PMS2: variants seen among roughly 807,000 people sequenced by gnomAD.
PMS2 encodes the protein PMS1 homolog 2, mismatch repair system component.
In PMS2, 69 loss-of-function variants were observed where a neutral mutation model predicts 90.0. The observed-to-expected ratio is 0.77, with a 90% CI of 0.63 to 0.94. PMS2 has a LOEUF of 0.94. Among genes scored for constraint, PMS2 ranks in the 40% least tolerant of loss-of-function variants. PMS2 has a pLI of 0.00. For missense variants in PMS2, 966 were observed against 1,040.2 expected (o/e 0.93, Z 0.98); for synonymous variants, 332 against 375.1 (o/e 0.89, Z 1.33).
chr7:5,991,737 G>A (rs553175948), intron 9 of PMS2, among the ~76,000 whole-genome samples: 117 of 152,094 alleles, frequency 7.7e-4, no homozygotes, highest in African/African-American at 2.7e-3. Flanking sequence ...TACTTGGGAG[G>A]CTGAGTCAGG....
chr7:5,990,757 T>A (rs559268332), intron 9 of PMS2, among the ~76,000 whole-genome samples: 1 of 152,304 alleles, frequency 6.6e-6, no homozygotes, highest in East Asian at 1.9e-4. Flanking sequence ...TCACACCCTG[T>A]AATCCCAGCA....
At chr7:6,000,461 C>G (rs1394828140) in intron 5 of PMS2, among the ~76,000 whole-genome samples, 2 of 150,806 alleles carry the variant, frequency 1.3e-5, no homozygotes, top group African/African-American at 4.9e-5. Context: ...ATATTACTTG[C>G]TTTCATTATA....
Position 5,995,569 on chromosome 7 carries a change from A to C in PMS2, c.868T>G (p.Phe290Val), listed in dbSNP as rs587782833. The C allele has an allele frequency of 1.2e-6, 2 of 1,613,978 alleles. No homozygotes were observed. The highest frequency in any genetic ancestry group is 2.7e-5 in the African/African-American group (2 of 74,936). ...VGRSSTDRQF[F>V]FINRRPCDPA... The stretch of plus-strand genomic sequence containing the variant: ...TCACAAGGCCGCCGGTTGATAAAGA[A>C]AAACTGTCTGTCTGTTGAACTCCTT... The change falls in exon 8 of 15, where the codon TTC becomes GTC. Residue 290 changes from phenylalanine to valine, a missense_variant. Phe to Val is a conservative substitution (Grantham distance 50). This residue lies in a region of PMS2 where 871 missense variants were observed against 802.4 expected (regional missense o/e 1.09). Coordinates refer to ENST00000265849, the MANE Select transcript of PMS2 (RefSeq NM_000535.7).
intron 6 of PMS2, among the ~76,000 whole-genome samples, chr7:5,997,872 G>A (rs747661570): frequency 2.2e-4 from 34 of 152,080 alleles, no homozygotes; most frequent in South Asian, 1.7e-3. Context: ...GGGATTACAT[G>A]TGTGAGCCGT....
chr7:6,005,022 A>G (rs1206969777), intron 2 of PMS2, among the ~76,000 whole-genome samples: 2 of 151,698 alleles, frequency 1.3e-5, no homozygotes, highest in African/African-American at 4.8e-5. Context: ...CTCCTCCTTC[A>G]GCGTCCTGAG....
Position 6,006,025 on chromosome 7 carries a change from T to C in PMS2, c.30A>G (p.Glu10=), listed in dbSNP as rs876660608. Residue 10 remains glutamate (E), a synonymous_variant, in exon 2 of 15, where the codon GAA becomes GAG. Coordinates refer to ENST00000265849, the MANE Select transcript of PMS2 (RefSeq NM_000535.7). MERAESSST[E]PAKAIKPIDR... is the part of the protein sequence containing the mutation. ...CAATAGGTTTGATGGCCTTAGCAGGTTCTGTACTAGAGAAATCAGTTACAA... is the reference window on the plus strand; with the variant it reads ...CAATAGGTTTGATGGCCTTAGCAGGCTCTGTACTAGAGAAATCAGTTACAA... 1 of 1,610,706 alleles carries C rather than the reference T, an allele frequency of 6.2e-7. No individual in the cohort carries two copies. Among genetic ancestry groups the C allele is most frequent in the Non-Finnish European group, 8.5e-7 (1 of 1,179,748 alleles).
In PMS2 at chr7:5,972,833, T is replaced by G. The variant is rs1180616; in HGVS notation, c.*566A>C. On this transcript the variant is annotated 3_prime_UTR_variant, in exon 15 of 15. Transcript: ENST00000265849. ...CTTCCAAAGTGGTTTGGTTTTTTTT[T>G]TTTTGTTTTGTTTTGTTTTGTTTTT... is the stretch of plus-strand genomic sequence containing the variant. Among the ~76,000 whole-genome samples the G allele has an allele frequency of 0.021, 1,557 of 73,892 alleles. 361 individuals carry two copies. Among genetic ancestry groups the G allele is most frequent in the African/African-American group, 0.091 (1,292 of 14,268 alleles). The allele number at this position is 73,892 out of a possible 152,430, so 48.5% of individuals were successfully genotyped here. A position where few individuals can be genotyped will look rare whatever the true frequency, so the allele number is the denominator to read the frequency against.
intron 6 of PMS2, among the ~76,000 whole-genome samples, chr7:5,998,184 C>A (rs769559495): frequency 6.6e-6 from 1 of 150,786 alleles, no homozygotes; most frequent in East Asian, 2.0e-4. Context: ...CGGGTTCCAG[C>A]GACTCTCCTG....
At chr7:5,983,953 A>G (rs1214001036) in intron 11 of PMS2, among the ~76,000 whole-genome samples, 2 of 151,800 alleles carry the variant, frequency 1.3e-5, no homozygotes, top group Non-Finnish European at 1.5e-5. Context: ...CACCTGGCCT[A>G]CTTCATTCTT....
At chr7:5,977,819 A>G in intron 13 of PMS2, 62 bp from the exon 14 acceptor site, 1 of 1,571,974 alleles carries the variant, frequency 6.4e-7, no homozygotes, top group Non-Finnish European at 8.7e-7. Flanking sequence ...CTTGAAAGCT[A>G]CTTAGGATGA....
intron 8 of PMS2, among the ~76,000 whole-genome samples, 170 bp from the exon 9 acceptor site, chr7:5,992,227 G>A (rs1385252426): frequency 6.6e-6 from 1 of 151,468 alleles, no homozygotes; most frequent in East Asian, 1.9e-4. Context: ...GAGTGCAGTG[G>A]AGCAATCATG....
intron 12 of PMS2, among the ~76,000 whole-genome samples, chr7:5,982,144 T>A (rs995949544): frequency 7.9e-5 from 12 of 151,806 alleles, no homozygotes; most frequent in Non-Finnish European, 1.5e-4. Context: ...GTCTCCTGAG[T>A]AGCTGGAATT....
At chr7:5,999,335 G>C (rs1158379918) in intron 5 of PMS2, 60 bp from the exon 6 acceptor site, 1 of 1,456,988 alleles carries the variant, frequency 6.9e-7, no homozygotes, top group Non-Finnish European at 9.6e-7. Context: ...GAATTACACA[G>C]CTCAAGTTAC....
intron 10 of PMS2, among the ~76,000 whole-genome samples, chr7:5,988,319 C>T (rs960797167): frequency 2.0e-5 from 3 of 152,084 alleles, no homozygotes; most frequent in Non-Finnish European, 4.4e-5. Context: ...TGGCTCACGC[C>T]TGTAATCCTA....
At chr7:5,988,297 T>C (rs556279569) in intron 10 of PMS2, among the ~76,000 whole-genome samples, 4 of 152,174 alleles carry the variant, frequency 2.6e-5, no homozygotes, top group South Asian at 2.1e-4. Flanking sequence ...AAGTGCCTAT[T>C]GGCCGGCACA....
chr7:5,993,577 C>A (rs1017265727), intron 8 of PMS2, among the ~76,000 whole-genome samples: 1 of 150,946 alleles, frequency 6.6e-6, no homozygotes, highest in Non-Finnish European at 1.5e-5. Flanking sequence ...ATATAGAAAC[C>A]ATGGGCCGGG....
At chr7:5,984,734 G>C (rs1298164174) in intron 11 of PMS2, among the ~76,000 whole-genome samples, 1 of 151,684 alleles carries the variant, frequency 6.6e-6, no homozygotes, top group East Asian at 1.9e-4. Flanking sequence ...GCAGTGAGCT[G>C]AGATCGTGCC....
Position 5,972,843 on chromosome 7 carries a change from G to A in PMS2, c.*556C>T, listed in dbSNP as rs1453935457. Among the ~76,000 whole-genome samples the A allele has an allele frequency of 2.9e-5, 2 of 68,446 alleles. 1 individual carries two copies. The highest frequency in any genetic ancestry group is 5.5e-5 in the Non-Finnish European group (2 of 36,320). 44.9% of individuals were successfully genotyped at this position (68,446 alleles called of 152,430 possible). On this transcript the variant is annotated 3_prime_UTR_variant, in exon 15 of 15. Coordinates refer to ENST00000265849, the MANE Select transcript of PMS2 (RefSeq NM_000535.7). ...GGTTTGGTTTTTTTTTTTTTGTTTT[G>A]TTTTGTTTTGTTTTTTGAGACACAG...
chr7:5,987,158 T>C lies in PMS2; in HGVS notation c.1607A>G (p.Gln536Arg). ...GTCGTCAGTTTTAGGCGCTTTCTCCTGAGAGTCCACATGTTCCTGCGAGCC... is the reference window on the plus strand; with the variant it reads ...GTCGTCAGTTTTAGGCGCTTTCTCCCGAGAGTCCACATGTTCCTGCGAGCC... Reference protein sequence around the residue: ...DRGSQEHVDSQEKAPKTDDSF... With the variant: ...DRGSQEHVDSREKAPKTDDSF... The change falls in exon 11 of 15, where the codon CAG (glutamine) becomes CGG (arginine). Residue 536 changes from glutamine (Q) to arginine (R), a missense_variant. By Grantham distance (43) the Gln-to-Arg change is conservative. Around this residue, in one of 2 missense-constraint regions of PMS2, gnomAD observed 871 missense variants for 802.4 expected, o/e 1.09. Transcript: ENST00000265849. 1.2e-6 allele frequency: 2 copies of C among 1,613,780 alleles called. No individual in the cohort carries two copies. Among genetic ancestry groups the C allele is most frequent in the East Asian group, 2.2e-5 (1 of 44,886 alleles).
Sources: allele counts gnomAD v4.1 joint callset (sites outside exome capture counted in the v4.1 genomes callset), GRCh38; gene constraint gnomAD v4.1.1; regional missense constraint gnomAD v4.1.1; transcripts MANE v1.5; gene names NCBI Gene and HGNC (gene_info 2026-07-23, HGNC 2026-07-21).